Variants in FRAS1 observed in about 807,000 individuals in gnomAD.
FRAS1 encodes the protein extracellular matrix organizing protein FRAS1.
A neutral mutation model predicts 435.2 loss-of-function variants in FRAS1; 290 were observed. The observed-to-expected ratio is 0.67, with a 90% CI of 0.61 to 0.73. FRAS1 has a LOEUF of 0.73. Ranked by LOEUF, FRAS1 falls within the 30% of genes least tolerant of loss-of-function variation. The probability of loss-of-function intolerance (pLI) is 0.00; values close to 1 mark genes in which losing one functional copy is unlikely to be tolerated. For missense variants in FRAS1, 4,860 were observed against 5,001.5 expected (o/e 0.97, Z 0.85); for synonymous variants, 1,800 against 1,851.0 (o/e 0.97, Z 0.71).
intron 2 of FRAS1, among the ~76,000 whole-genome samples, chr4:78,115,923 G>C (rs1199206063): frequency 6.6e-6 from 1 of 151,944 alleles, no homozygotes; most frequent in East Asian, 1.9e-4. Context: ...TGTGATGTTA[G>C]GTTGTCAATT....
intron 2 of FRAS1, among the ~76,000 whole-genome samples, chr4:78,197,121 T>A (rs2110071283): frequency 6.6e-6 from 1 of 152,346 alleles, no homozygotes; most frequent in South Asian, 2.1e-4. Context: ...TTCTTTTTTT[T>A]ATACCTCAAC....
chr4:78,315,844 A>C, intron 16 of FRAS1, 110 bp downstream of exon 16: 1 of 1,181,066 alleles, frequency 8.5e-7, no homozygotes, highest in African/African-American at 1.5e-5. Flanking sequence ...ATGGGAAAGC[A>C]TAACTTTAAA....
intron 59 of FRAS1, among the ~76,000 whole-genome samples, chr4:78,490,097 C>A (rs568636287): frequency 2.0e-5 from 3 of 150,998 alleles, no homozygotes; most frequent in Admixed American, 1.3e-4. Context: ...ATCAATGCAA[C>A]AACATGAGCT....
At chr4:78,390,141 A>G (rs1732386544) in intron 29 of FRAS1, among the ~76,000 whole-genome samples, 1 of 152,230 alleles carries the variant, frequency 6.6e-6, no homozygotes, top group African/African-American at 2.4e-5. Flanking sequence ...CCTCTTAGGA[A>G]TTCAAAATAT....
intron 35 of FRAS1, among the ~76,000 whole-genome samples, chr4:78,426,298 A>C (rs1028521049): frequency 2.6e-5 from 4 of 152,178 alleles, no homozygotes; most frequent in Non-Finnish European, 5.9e-5. Flanking sequence ...GAGTAGGTGA[A>C]GGGTTAACAA....
chr4:78,381,837 C>A (rs113689503), intron 27 of FRAS1, among the ~76,000 whole-genome samples: 1 of 151,928 alleles, frequency 6.6e-6, no homozygotes, highest in African/African-American at 2.4e-5. Flanking sequence ...TTTTGGGGTA[C>A]CCATTTTAAT....
At chr4:78,219,600 T>C (rs187280918) in intron 2 of FRAS1, among the ~76,000 whole-genome samples, 3 of 152,304 alleles carry the variant, frequency 2.0e-5, no homozygotes, top group Admixed American at 1.3e-4. Flanking sequence ...AATAACATGT[T>C]GAATTTAAAA....
chr4:78,507,582 A>G lies in FRAS1; in HGVS notation c.9478A>G (p.Ser3160Gly), dbSNP rs763114326. ...AATTCTAGACCAGGAGGCAGCAGGG[A>G]GCCTCATATTGCCAGCACCACCCAT... ...VTILDQEAAG[S>G]LILPAPPIVV... The change falls in exon 62 of 74, where the codon AGC becomes GGC. Residue 3160 changes from serine (S) to glycine (G), a missense_variant. Transcript: ENST00000512123. 1 of 1,603,078 alleles carries G rather than the reference A, an allele frequency of 6.2e-7. No homozygotes were observed.
Position 78,497,648 on chromosome 4 carries a change from A to G in FRAS1, c.9115+687A>G, listed in dbSNP as rs146710689. 3.0e-3 allele frequency among the ~76,000 whole-genome samples: 455 copies of G among 152,294 alleles called. 2 individuals are homozygous for G. Among genetic ancestry groups the G allele is most frequent in the Non-Finnish European group, 5.4e-3 (364 of 68,018 alleles). On this transcript the variant is annotated intron_variant, in intron 60 of 73. Transcript: ENST00000512123. ...TCTTGAGGTTGGTGCTATTATTTCTATATTACGAATAAAGAAACTGAACCT... is the reference window on the plus strand; with the variant it reads ...TCTTGAGGTTGGTGCTATTATTTCTGTATTACGAATAAAGAAACTGAACCT...
chr4:78,387,651 G>T lies in FRAS1; in HGVS notation c.3925G>T (p.Asp1309Tyr). The change falls in exon 29 of 74, where the codon GAT becomes TAT. Residue 1309 changes from aspartate to tyrosine, a missense_variant. Coordinates refer to ENST00000512123, the MANE Select transcript of FRAS1 (RefSeq NM_025074.7). ...CGATGTTGCAGTCTTGCAGGCCAATGATGGACACTCCTTCCATAATATACT... is the reference window on the plus strand; with the variant it reads ...CGATGTTGCAGTCTTGCAGGCCAATTATGGACACTCCTTCCATAATATACT... ...TSDVAVLQAN[D>Y]GHSFHNILFQ... The T allele has an allele frequency of 6.2e-7, 1 of 1,600,176 alleles. No homozygotes were observed. Among genetic ancestry groups the T allele is most frequent in the Non-Finnish European group, 8.5e-7 (1 of 1,171,460 alleles).
Position 78,445,565 on chromosome 4 carries a change from A to G in FRAS1, c.5709A>G (p.Ser1903=). ...GPETASDLEA[S]FPIQDVLENY... is the part of the protein sequence containing the mutation. ...AAACTGCCAGTGACCTAGAGGCATCATTTCCTATTCAAGACGTCCTGGAAA... is the reference window on the plus strand; with the variant it reads ...AAACTGCCAGTGACCTAGAGGCATCGTTTCCTATTCAAGACGTCCTGGAAA... Residue 1903 remains serine, a synonymous_variant, in exon 42 of 74, where the codon TCA becomes TCG. Coordinates refer to ENST00000512123, the MANE Select transcript of FRAS1 (RefSeq NM_025074.7). The G allele has an allele frequency of 1.9e-6, 3 of 1,611,062 alleles. No individual in the cohort carries two copies. Among genetic ancestry groups the G allele is most frequent in the Non-Finnish European group, 1.7e-6 (2 of 1,178,158 alleles).
In FRAS1 at chr4:78,540,711, C is replaced by G. The variant is rs373402328; in HGVS notation, c.11626C>G (p.Gln3876Glu). ...CCTCATCTATGACAATGAAGGAGAC[C>G]AAGTCAAGAATGGCACCAATATGAA... ...DSLIYDNEGD[Q>E]VKNGTNMKSL... Residue 3876 changes from glutamine to glutamate, a missense_variant, in exon 74 of 74, where the codon CAA becomes GAA. By Grantham distance (29) the Gln-to-Glu change is conservative (BLOSUM62 2). Coordinates refer to ENST00000512123, the MANE Select transcript of FRAS1 (RefSeq NM_025074.7). The G allele has an allele frequency of 1.5e-5, 24 of 1,613,720 alleles. No homozygotes were observed. The African/African-American group carries it at 2.4e-4, about 16-fold the overall frequency.
intron 54 of FRAS1, 86 bp from the exon 55 acceptor site, chr4:78,477,729 G>A (rs1379401678): frequency 6.7e-7 from 1 of 1,503,300 alleles, no homozygotes; most frequent in Non-Finnish European, 9.0e-7. Flanking sequence ...ACTGGACTTG[G>A]ATGCTCTTTT....
intron 31 of FRAS1, 27 bp from the exon 32 acceptor site, chr4:78,412,942 G>A (rs951386392): frequency 6.9e-7 from 1 of 1,449,274 alleles, no homozygotes; most frequent in Non-Finnish European, 9.5e-7. Flanking sequence ...GAAGATGAGA[G>A]GCTCACCAGG....
intron 20 of FRAS1, among the ~76,000 whole-genome samples, chr4:78,357,313 T>A (rs927448656): frequency 1.3e-5 from 2 of 152,170 alleles, no homozygotes; most frequent in Non-Finnish European, 2.9e-5. Flanking sequence ...TCCACCTCAG[T>A]GTCCACCATG....
At position 78,466,520 on chromosome 4, in the gene FRAS1, T is replaced by C. The variant is rs991249315; in HGVS notation, c.7257+85T>C. 10 of 1,002,820 alleles carry C rather than the reference T, an allele frequency of 1.0e-5. No individual in the cohort carries two copies. The Admixed American group carries it at 2.1e-4, about 21-fold the overall frequency. 62.1% of individuals were successfully genotyped at this position (1,002,820 alleles called of 1,614,324 possible). ...GAGTTTTACATCAAGCATACCATTG[T>C]TTGAGTTCTCGTTCTATCAGTAGCT... On this transcript the variant is annotated intron_variant, in intron 50 of 73. Transcript: ENST00000512123.
chr4:78,499,001 G>C (rs113067645), intron 60 of FRAS1, among the ~76,000 whole-genome samples: 4,251 of 152,146 alleles, frequency 0.028, 210 homozygotes, highest in African/African-American at 0.095. Context: ...GCACGTGCCA[G>C]CATGCCTGGC....
chr4:78,075,075 G>A (rs1740569542), intron 2 of FRAS1, among the ~76,000 whole-genome samples: 1 of 152,186 alleles, frequency 6.6e-6, no homozygotes, highest in African/African-American at 2.4e-5. Flanking sequence ...AGTTAAACAT[G>A]CCTAGCTGCT....
chr4:78,539,684 T>C (rs1206029150), intron 73 of FRAS1, among the ~76,000 whole-genome samples: 1 of 152,216 alleles, frequency 6.6e-6, no homozygotes, highest in African/African-American at 2.4e-5. Context: ...GTGCACATCA[T>C]GGCTGCATAT....
Sources: gnomAD v4.1 joint callset for allele counts (sites outside exome capture counted in the v4.1 genomes callset) on GRCh38, gnomAD v4.1.1 for gene constraint, MANE v1.5 for transcripts, NCBI Gene and HGNC (gene_info 2026-07-23, HGNC 2026-07-21) for gene names.